The following SLC38A5 variants were observed in gnomAD, a reference collection of about 807,000 sequenced individuals.
SLC38A5 encodes the protein sodium-coupled neutral amino acid transporter 5.
A neutral mutation model predicts 34.6 loss-of-function variants in SLC38A5; 9 were observed. The ratio of observed to expected loss-of-function variants is 0.26; its 90% CI spans 0.16 to 0.45. The LOEUF is 0.45. Among genes scored for constraint, SLC38A5 ranks in the 20% least tolerant of loss-of-function variants. SLC38A5 has a pLI of 1.00. For synonymous variants in SLC38A5, 157 were observed against 155.6 expected, an observed-to-expected ratio of 1.01 and a Z score of -0.07; for missense variants, 253 against 394.7, an observed-to-expected ratio of 0.64 and a Z score of 3.04.
intron 14 of SLC38A5, among the ~76,000 whole-genome samples, 185 bp downstream of exon 14, chrX:48,460,464 C>T (rs1556961580): frequency 1.8e-5 from 2 of 111,991 alleles, no homozygotes; most frequent in Non-Finnish European, 3.8e-5. Context: ...TATCTATGTC[C>T]TCCCCACTTC....
intron 2 of SLC38A5, chrX:48,468,247 G>A (rs1003741215): frequency 1.8e-5 from 17 of 935,788 alleles, no homozygotes; most frequent in Non-Finnish European, 2.3e-5. Flanking sequence ...GGACCCCAGC[G>A]CAGATGAGCC....
In SLC38A5 at chrX:48,461,843, A is replaced by G. The variant is rs781868634; in HGVS notation, c.772-46T>C. The G allele has an allele frequency of 4.5e-5, 53 of 1,170,149 alleles. No individual in the cohort carries two copies. In the Admixed American group the frequency reaches 8.7e-4, roughly 19 times the overall value. On this transcript the variant is annotated intron_variant, in intron 11 of 16. Transcript: ENST00000620913. The stretch of plus-strand genomic sequence containing the variant: ...ATGGGATTAGAGCCAACAGGGGTCC[A>G]TCCCCTTCTTCCCATCCCCCTCCCG...
intron 12 of SLC38A5, 111 bp from the exon 13 acceptor site, chrX:48,461,197 G>T: frequency 1.6e-6 from 1 of 630,980 alleles, no homozygotes; most frequent in Non-Finnish European, 2.5e-6. Flanking sequence ...CTGCCATTCA[G>T]CTGGCACACA....
At chrX:48,460,789 G>A in intron 13 of SLC38A5, 25 bp from the exon 14 acceptor site, 2 of 1,184,989 alleles carry the variant, frequency 1.7e-6, no homozygotes, top group Non-Finnish European at 2.3e-6. Context: ...AGAGGGTACG[G>A]GATGCAGGAT....
In SLC38A5 at chrX:48,466,827, G is replaced by T; in HGVS notation, c.291C>A (p.His97Gln). Residue 97 changes from histidine to glutamine, a missense_variant, in exon 6 of 17, where the codon CAC (histidine) becomes CAA (glutamine). Physicochemically the swap from His to Gln is conservative, Grantham distance 24 (BLOSUM62 0). Transcript: ENST00000620913. ...CIALLSSYSI[H>Q]LLLTCAGIAG... ...CAATACCAGCACAGGTCAGCAGGAG[G>T]TGGATGGAGTAGGACGACAGAAGCG... The T allele has an allele frequency of 8.3e-7, 1 of 1,205,741 alleles. No individual in the cohort carries two copies. The highest frequency in any genetic ancestry group is 1.1e-6 in the Non-Finnish European group (1 of 892,495).
chrX:48,467,579 G>A (rs2061487514), intron 4 of SLC38A5, 131 bp downstream of exon 4: 1 of 612,565 alleles, frequency 1.6e-6, no homozygotes, highest in Non-Finnish European at 2.6e-6. Context: ...ACCAAGTAGT[G>A]TGTAGCTGTG....
At position 48,459,568 on chromosome X, in the gene SLC38A5, C is replaced by T; in HGVS notation, c.1285G>A (p.Val429Met). ...TTGGGCCAGGATAAGAAAGGCTCCA[C>T]CTCAGAGGGTACAATGCGGAGGTAG... ...IFYLRIVPSE[V>M]EPFLSWPKIQ... Residue 429 changes from valine to methionine, a missense_variant, in exon 16 of 17, where the codon GTG (valine) becomes ATG (methionine). This residue lies in a region of SLC38A5 where 176 missense variants were observed against 273.0 expected (regional missense o/e 0.64). Transcript: ENST00000620913. The T allele has an allele frequency of 8.8e-7, 1 of 1,133,659 alleles. No individual in the cohort carries two copies. Among genetic ancestry groups the T allele is most frequent in the Non-Finnish European group, 1.2e-6 (1 of 858,863 alleles). The allele number at this position is 1,133,659 out of a possible 1,213,427, so 93.4% of individuals were successfully genotyped here.
intron 16 of SLC38A5, 161 bp from the exon 17 acceptor site, chrX:48,459,195 A>G: frequency 1.8e-6 from 1 of 552,396 alleles, no homozygotes; most frequent in Non-Finnish European, 2.9e-6. Context: ...CCTTTCTGCG[A>G]GTCCTTCCAC....
Position 48,466,823 on chromosome X carries a change from G to A in SLC38A5, c.295C>T (p.Leu99=). The A allele has an allele frequency of 8.3e-7, 1 of 1,204,729 alleles. No individual in the cohort carries two copies. The highest frequency in any genetic ancestry group is 1.1e-6 in the Non-Finnish European group (1 of 892,036). The stretch of plus-strand genomic sequence containing the variant: ...CCTGCAATACCAGCACAGGTCAGCA[G>A]GAGGTGGATGGAGTAGGACGACAGA... The part of the protein sequence containing the change: ...ALLSSYSIHL[L]LTCAGIAGIR... Residue 99 remains leucine, a synonymous_variant, in exon 6 of 17, where the codon CTG becomes TTG. Transcript: ENST00000620913.
intron 9 of SLC38A5, 47 bp from the exon 10 acceptor site, chrX:48,462,338 G>A: frequency 8.7e-7 from 1 of 1,154,955 alleles, no homozygotes; most frequent in Non-Finnish European, 1.2e-6. Flanking sequence ...CAGGCGTGGT[G>A]GCTCACACCT....
intron 9 of SLC38A5, among the ~76,000 whole-genome samples, chrX:48,462,550 G>C (rs2061442035): frequency 9.0e-6 from 1 of 111,164 alleles, no homozygotes; most frequent in African/African-American, 3.3e-5. Flanking sequence ...AGAGGTTGCA[G>C]TGAGCCAAGA....
intron 4 of SLC38A5, 69 bp from the exon 5 acceptor site, chrX:48,467,146 G>A (rs2061483580): frequency 1.1e-6 from 1 of 939,240 alleles, no homozygotes; most frequent in East Asian, 3.2e-5. Context: ...TAATGCCAGG[G>A]CCAGGGAAAG....
chrX:48,458,656 T>C lies in SLC38A5; in HGVS notation c.*277A>G. 1 of 871,142 alleles carries C rather than the reference T, an allele frequency of 1.1e-6. No homozygotes were observed. 71.8% of individuals were successfully genotyped at this position (871,142 alleles called of 1,213,427 possible). ...GCTGGGCAAAGGCTCCACCAGGACC[T>C]GGCCTCCTCCTCCTCCTCCTCCTCC... is the stretch of plus-strand genomic sequence containing the variant. On this transcript the variant is annotated 3_prime_UTR_variant, in exon 17 of 17. Coordinates refer to ENST00000620913, the MANE Select transcript of SLC38A5 (RefSeq NM_033518.4).
chrX:48,462,279 T>C lies in SLC38A5; in HGVS notation c.587A>G (p.Tyr196Cys). The change falls in exon 10 of 17, where the codon TAC becomes TGC. Residue 196 changes from tyrosine (Y) to cysteine (C), a missense_variant. Physicochemically the swap from Tyr to Cys is radical, Grantham distance 194 (BLOSUM62 -2). Coordinates refer to ENST00000620913, the MANE Select transcript of SLC38A5 (RefSeq NM_033518.4). The stretch of plus-strand genomic sequence containing the variant: ...GCAGGTCAGAGAGAGACCACTGGTG[T>C]ACCCCAGGTAGCCTAAGAGGGGCAA... ...ALMKHLGYLG[Y>C]TSGLSLTCML... is the part of the protein sequence containing the mutation. 8.3e-7 allele frequency: 1 copy of C among 1,209,462 alleles called. No individual in the cohort carries two copies. Among genetic ancestry groups the C allele is most frequent in the Non-Finnish European group, 1.1e-6 (1 of 894,408 alleles).
chrX:48,468,036 G>A (rs1426910066), intron 2 of SLC38A5, 111 bp from the exon 3 acceptor site: 9 of 841,445 alleles, frequency 1.1e-5, no homozygotes, highest in African/African-American at 8.2e-5. Context: ...ATGGAAAGAC[G>A]GAGAAAGAGA....
In SLC38A5 at chrX:48,458,866, G is replaced by A; in HGVS notation, c.*67C>T. On this transcript the variant is annotated 3_prime_UTR_variant, in exon 17 of 17. Coordinates refer to ENST00000620913, the MANE Select transcript of SLC38A5 (RefSeq NM_033518.4). ...CCACCTCCACATGTTGGGCAGGAGG[G>A]ACCCTAGGGAGCGGCCCTGACCCCT... 8.9e-7 allele frequency: 1 copy of A among 1,125,177 alleles called. No homozygotes were observed. Among genetic ancestry groups the A allele is most frequent in the Middle Eastern group, 2.4e-4 (1 of 4,097 alleles). 92.7% of individuals were successfully genotyped at this position (1,125,177 alleles called of 1,213,427 possible).
chrX:48,467,120 C>A, intron 4 of SLC38A5, 43 bp from the exon 5 acceptor site: 2 of 1,111,432 alleles, frequency 1.8e-6, no homozygotes, highest in Admixed American at 2.3e-5. Flanking sequence ...TGGGACAGGG[C>A]ACAGGGTAAG....
chrX:48,463,895 GAA>G (rs781963580), intron 8 of SLC38A5, among the ~76,000 whole-genome samples: 1 of 106,637 alleles, frequency 9.4e-6, no homozygotes, highest in Non-Finnish European at 1.9e-5. Flanking sequence ...AAGAAAGAAA[GAA>G]AGAAAGAAAG....
chrX:48,463,101 A>G (rs2061445757), intron 8 of SLC38A5, 121 bp from the exon 9 acceptor site: 1 of 524,324 alleles, frequency 1.9e-6, no homozygotes, highest in Non-Finnish European at 3.1e-6. Flanking sequence ...TAAGCTGACA[A>G]CCTCAGCTTG....
Sources: allele counts gnomAD v4.1 joint callset (sites outside exome capture counted in the v4.1 genomes callset), GRCh38; gene constraint gnomAD v4.1.1; regional missense constraint gnomAD v4.1.1; transcripts MANE v1.5; gene names NCBI Gene and HGNC (gene_info 2026-07-23, HGNC 2026-07-21).